Variants in CFAP299 observed in about 807,000 individuals in gnomAD.
CFAP299 encodes the protein cilia- and flagella-associated protein 299.
In CFAP299, 21 loss-of-function variants were observed where a neutral mutation model predicts 27.0. That is an observed-to-expected ratio of 0.78 (90% CI 0.55 to 1.12). The LOEUF (loss-of-function observed/expected upper bound fraction) is 1.12. Ranked by LOEUF, CFAP299 falls within the 50% of genes most tolerant of loss-of-function variation. The pLI is 0.00. For synonymous variants in CFAP299, 104 were observed against 98.1 expected (o/e 1.06, Z -0.36); for missense variants, 310 against 276.6 (o/e 1.12, Z -0.86).
Position 80,477,039 on chromosome 4 carries a change from AT to A in CFAP299, c.243-106053del, listed in dbSNP as rs145292574. On this transcript the variant is annotated intron_variant, in intron 2 of 5. Transcript: ENST00000358105. ...ATCATGTCTTTAGACTGTATCTTCT[AT>A]GTCTTCTACCATCTCTGCTTCTTTT... Among the ~76,000 whole-genome samples, 854 of 151,540 alleles carry A rather than the reference AT, an allele frequency of 5.6e-3. 8 individuals carry two copies. Among genetic ancestry groups the A allele is most frequent in the African/African-American group, 0.018 (748 of 41,208 alleles).
chr4:80,817,727 T>TA (rs541359851), intron 3 of CFAP299, among the ~76,000 whole-genome samples: 319 of 151,366 alleles, frequency 2.1e-3, no homozygotes, highest in Non-Finnish European at 3.2e-3. Context: ...ACAAACAACT[T>TA]TTTTTTTTCC....
intron 3 of CFAP299, among the ~76,000 whole-genome samples, chr4:80,763,847 C>A (rs992079278): frequency 2.0e-5 from 3 of 152,094 alleles, no homozygotes; most frequent in Non-Finnish European, 4.4e-5. Context: ...CAAAAACAAG[C>A]AGTGGGGAAA....
chr4:80,926,748 A>G (rs982178007), intron 4 of CFAP299, among the ~76,000 whole-genome samples: 5 of 152,120 alleles, frequency 3.3e-5, no homozygotes, highest in African/African-American at 1.2e-4. Flanking sequence ...AATCAGTTGC[A>G]AAAGAAAATT....
chr4:80,800,537 A>T (rs530378607), intron 3 of CFAP299, among the ~76,000 whole-genome samples: 4 of 42,348 alleles, frequency 9.4e-5, no homozygotes, highest in South Asian at 9.3e-4. Context: ...ATATTATATA[A>T]TATATAATAT....
intron 3 of CFAP299, among the ~76,000 whole-genome samples, chr4:80,629,362 G>C (rs948054793): frequency 6.6e-6 from 1 of 152,066 alleles, no homozygotes; most frequent in Admixed American, 6.6e-5. Flanking sequence ...ATTTCAGTTA[G>C]ATAAGAGAAA....
At chr4:80,390,650 T>C (rs13133319) in intron 2 of CFAP299, among the ~76,000 whole-genome samples, 6 of 135,714 alleles carry the variant, frequency 4.4e-5, no homozygotes, top group African/African-American at 8.7e-5. Flanking sequence ...TATATGTATG[T>C]ACACACATAT....
intron 4 of CFAP299, among the ~76,000 whole-genome samples, chr4:80,893,442 T>C (rs1295267785): frequency 6.6e-6 from 1 of 151,800 alleles, no homozygotes; most frequent in Non-Finnish European, 1.5e-5. Context: ...AGGAGCAAAA[T>C]TGTAGGCATT....
intron 2 of CFAP299, among the ~76,000 whole-genome samples, chr4:80,560,517 C>A (rs888504459): frequency 7.2e-5 from 11 of 152,060 alleles, no homozygotes; most frequent in African/African-American, 2.4e-4. Flanking sequence ...TTTTGGGGTC[C>A]CCGATTCCAG....
At chr4:80,898,473 G>A (rs775837676) in intron 4 of CFAP299, among the ~76,000 whole-genome samples, 1 of 152,026 alleles carries the variant, frequency 6.6e-6, no homozygotes, top group African/African-American at 2.4e-5. Flanking sequence ...CACTGGATGT[G>A]GGGGGTGGGA....
At chr4:80,806,812 C>T (rs900679488) in intron 3 of CFAP299, among the ~76,000 whole-genome samples, 1 of 152,112 alleles carries the variant, frequency 6.6e-6, no homozygotes, top group Non-Finnish European at 1.5e-5. Context: ...CACAGCACCC[C>T]TTTTTTCTTA....
intron 3 of CFAP299, among the ~76,000 whole-genome samples, chr4:80,599,871 A>G (rs1244164662): frequency 1.3e-5 from 2 of 152,160 alleles, no homozygotes; most frequent in African/African-American, 2.4e-5. Flanking sequence ...GCCTTTAGCA[A>G]TGATGCAAAG....
chr4:80,638,102 A>G (rs1480810912), intron 3 of CFAP299, among the ~76,000 whole-genome samples: 1 of 152,226 alleles, frequency 6.6e-6, no homozygotes, highest in African/African-American at 2.4e-5. Context: ...TTTTATTGAC[A>G]GATGAGAAAC....
rs559919214 is a variant in CFAP299 at position 80,407,641 on chromosome 4, A to G, written c.242+44757A>G. On this transcript the variant is annotated intron_variant, in intron 2 of 5. Coordinates refer to ENST00000358105, the MANE Select transcript of CFAP299 (RefSeq NM_152770.3). ...CTAGCCCTGATGCAAAGGGTGAAGA[A>G]ATAGATTCCACTTCTTTATAAGAGA... Among the ~76,000 whole-genome samples, 17 of 152,326 alleles carry G rather than the reference A, an allele frequency of 1.1e-4. No homozygotes were observed. The South Asian group carries it at 3.3e-3, about 30-fold the overall frequency.
At chr4:80,596,728 G>A (rs577106353) in intron 3 of CFAP299, among the ~76,000 whole-genome samples, 1 of 152,128 alleles carries the variant, frequency 6.6e-6, no homozygotes, top group Non-Finnish European at 1.5e-5. Flanking sequence ...TACCAAATAA[G>A]CCTTACGTAT....
intron 3 of CFAP299, among the ~76,000 whole-genome samples, chr4:80,829,691 G>A (rs945737705): frequency 6.6e-6 from 1 of 151,968 alleles, no homozygotes; most frequent in Non-Finnish European, 1.5e-5. Context: ...TCATTCATTG[G>A]CAAATAAGTG....
chr4:80,389,323 A>G (rs913868512), intron 2 of CFAP299, among the ~76,000 whole-genome samples: 2 of 152,138 alleles, frequency 1.3e-5, no homozygotes, highest in Non-Finnish European at 2.9e-5. Flanking sequence ...CTACACTCCA[A>G]CTTACTCCAT....
At chr4:80,459,753 C>T (rs1729348035) in intron 2 of CFAP299, among the ~76,000 whole-genome samples, 1 of 152,132 alleles carries the variant, frequency 6.6e-6, no homozygotes, top group South Asian at 2.1e-4. Flanking sequence ...GTATGAAATT[C>T]TTACCCTTCT....
intron 2 of CFAP299, among the ~76,000 whole-genome samples, chr4:80,429,411 T>C (rs1228070495): frequency 1.3e-5 from 2 of 152,184 alleles, no homozygotes; most frequent in Non-Finnish European, 2.9e-5. Flanking sequence ...AAAATCTAAT[T>C]AGGAACTTTC....
chr4:80,777,478 A>G (rs983621060), intron 3 of CFAP299, among the ~76,000 whole-genome samples: 1 of 152,052 alleles, frequency 6.6e-6, no homozygotes, highest in Admixed American at 6.6e-5. Flanking sequence ...TGATACTACT[A>G]ACTCTCCCAA....
Sources: allele counts gnomAD v4.1 joint callset (sites outside exome capture counted in the v4.1 genomes callset), GRCh38; gene constraint gnomAD v4.1.1; transcripts MANE v1.5; gene names NCBI Gene and HGNC (gene_info 2026-07-23, HGNC 2026-07-21).